The following AGPAT5 variants were observed in gnomAD, a reference collection of about 807,000 sequenced individuals.
The protein encoded by AGPAT5 is 1-acylglycerol-3-phosphate O-acyltransferase 5.
AGPAT5 carries 46 observed loss-of-function variants against 45.6 expected under a neutral mutation model. That is an observed-to-expected ratio of 1.01 (90% CI 0.80 to 1.29). The LOEUF (loss-of-function observed/expected upper bound fraction) is 1.29, where lower values mean the gene tolerates loss of function less well. AGPAT5 is among the 50% of genes most tolerant of loss of function. The probability of loss-of-function intolerance (pLI) is 0.00; values close to 1 mark genes in which losing one functional copy is unlikely to be tolerated. For missense variants in AGPAT5, 673 were observed against 450.7 expected, an observed-to-expected ratio of 1.49 and a Z score of -4.47; for synonymous variants, 272 against 167.0, an observed-to-expected ratio of 1.63 and a Z score of -4.85.
chr8:6,715,537 C>T (rs1462876211), intron 1 of AGPAT5, among the ~76,000 whole-genome samples: 1 of 152,112 alleles, frequency 6.6e-6, no homozygotes, highest in Non-Finnish European at 1.5e-5. Context: ...ACAAAGTAGG[C>T]ACCATTCTTC....
At chr8:6,732,682 C>G in intron 4 of AGPAT5, 32 bp downstream of exon 4, 1 of 1,496,320 alleles carries the variant, frequency 6.7e-7, no homozygotes, top group Non-Finnish European at 9.1e-7. Flanking sequence ...TTTTTCTTAC[C>G]AGCTCTCAGT....
intron 3 of AGPAT5, 92 bp from the exon 4 acceptor site, chr8:6,732,469 G>C: frequency 1.2e-6 from 1 of 849,076 alleles, no homozygotes; most frequent in Non-Finnish European, 1.8e-6. Flanking sequence ...TTTTCATTCT[G>C]TACTTTTTGC....
At chr8:6,735,796 A>G (rs1801030416) in intron 4 of AGPAT5, among the ~76,000 whole-genome samples, 1 of 147,484 alleles carries the variant, frequency 6.8e-6, no homozygotes, top group African/African-American at 2.5e-5. Flanking sequence ...ACAATGTTAG[A>G]TTTACAAAAA....
rs1801954351 is a variant in AGPAT5, at chr8:6,759,330, T to A, written c.*1942T>A. ...GACCTGCATAAGATCACTTGAATGT[T>A]AGGTTTCATAGAACTATACTAATCT... On this transcript the variant is annotated 3_prime_UTR_variant, in exon 8 of 8. Coordinates refer to ENST00000285518, the MANE Select transcript of AGPAT5 (RefSeq NM_018361.5). 1 of 152,230 alleles carries A rather than the reference T, an allele frequency of 6.6e-6. No individual in the cohort carries two copies. The highest frequency in any genetic ancestry group is 2.4e-5 in the African/African-American group (1 of 41,464). 9.4% of individuals were successfully genotyped at this position (152,230 alleles called of 1,614,324 possible). A position where few individuals can be genotyped will look rare whatever the true frequency, so the allele number is the denominator to read the frequency against.
chr8:6,735,999 G>T (rs556222564), intron 4 of AGPAT5, among the ~76,000 whole-genome samples: 1 of 151,818 alleles, frequency 6.6e-6, no homozygotes, highest in African/African-American at 2.4e-5. Flanking sequence ...GATTACAGGC[G>T]TGCACCGCCA....
intron 1 of AGPAT5, among the ~76,000 whole-genome samples, chr8:6,713,574 G>C (rs1800224876): frequency 6.6e-6 from 1 of 152,060 alleles, no homozygotes; most frequent in Admixed American, 6.5e-5. Context: ...TTTTTTGTAA[G>C]ACAGAATCTC....
chr8:6,743,724 T>C (rs1328129445), intron 5 of AGPAT5, among the ~76,000 whole-genome samples: 2 of 152,132 alleles, frequency 1.3e-5, no homozygotes, highest in Admixed American at 1.3e-4. Flanking sequence ...TGGAATTAAA[T>C]GTATCTTAAT....
intron 5 of AGPAT5, among the ~76,000 whole-genome samples, chr8:6,743,697 A>G (rs1024814099): frequency 1.5e-4 from 22 of 151,714 alleles, no homozygotes; most frequent in Admixed American, 8.5e-4. Flanking sequence ...TTGGCTTTCT[A>G]ATGGTTATAA....
At chr8:6,714,415 A>C (rs1443144901) in intron 1 of AGPAT5, among the ~76,000 whole-genome samples, 1 of 152,238 alleles carries the variant, frequency 6.6e-6, no homozygotes, top group Admixed American at 6.5e-5. Context: ...TGCTTAACTT[A>C]CTAGACTTAT....
rs183487875 is a variant in AGPAT5 at position 6,752,145 on chromosome 8, C to G, written c.746-2906C>G. 1.1e-4 allele frequency among the ~76,000 whole-genome samples: 17 copies of G among 152,188 alleles called. 1 individual carries two copies. In the East Asian group the frequency reaches 3.3e-3, roughly 29 times the overall value. On this transcript the variant is annotated intron_variant, in intron 6 of 7. Transcript: ENST00000285518. ...TGAGCTAAGATCGTGCCACTGGACT[C>G]TAGCCTGGCTGACAGAGCAAGAATC...
intron 6 of AGPAT5, among the ~76,000 whole-genome samples, chr8:6,754,418 G>T (rs894396581): frequency 7.2e-5 from 11 of 152,170 alleles, no homozygotes; most frequent in African/African-American, 2.4e-5. Context: ...GAAACCAATG[G>T]CCAAGTTAGA....
In AGPAT5 at chr8:6,757,547, T is replaced by C. The variant is rs753918900; in HGVS notation, c.*159T>C. The C allele has an allele frequency of 3.2e-6, 2 of 634,484 alleles. No homozygotes were observed. The highest frequency in any genetic ancestry group is 5.4e-6 in the Non-Finnish European group (2 of 369,342). The allele number at this position is 634,484 out of a possible 1,614,324, so 39.3% of individuals were successfully genotyped here. A position where few individuals can be genotyped will look rare whatever the true frequency, so the allele number is the denominator to read the frequency against. ...ATTTGTGACGAAAGCTGATATGCAA[T>C]GGTCTTGGGCAAACATACCTGGTTG... On this transcript the variant is annotated 3_prime_UTR_variant, in exon 8 of 8. Coordinates refer to ENST00000285518, the MANE Select transcript of AGPAT5 (RefSeq NM_018361.5).
intron 5 of AGPAT5, among the ~76,000 whole-genome samples, chr8:6,746,963 C>A (rs1369583023): frequency 2.6e-5 from 4 of 152,110 alleles, no homozygotes; most frequent in African/African-American, 9.7e-5. Flanking sequence ...TTGCAGTAGT[C>A]CCCCAGCTAA....
chr8:6,726,423 G>A (rs541698850), intron 2 of AGPAT5, among the ~76,000 whole-genome samples: 1 of 152,248 alleles, frequency 6.6e-6, no homozygotes, highest in African/African-American at 2.4e-5. Context: ...TTACCTGCCA[G>A]CTTTTCTTTG....
chr8:6,714,664 G>A (rs1800262116), intron 1 of AGPAT5, among the ~76,000 whole-genome samples: 1 of 152,106 alleles, frequency 6.6e-6, no homozygotes, highest in African/African-American at 2.4e-5. Context: ...TCCCAGTTTG[G>A]TGTGTAACTT....
intron 4 of AGPAT5, among the ~76,000 whole-genome samples, chr8:6,738,773 GT>G (rs1183515405): frequency 6.6e-6 from 1 of 151,852 alleles, no homozygotes; most frequent in African/African-American, 2.4e-5. Context: ...GAGTACGTGT[GT>G]TTTTTTATTT....
chr8:6,760,500 G>A lies in AGPAT5; in HGVS notation c.*3112G>A, dbSNP rs1370802249. ...AAAAAATGTGAAAAGAGAGAGAAAT[G>A]TCTACCAAAGCAGTATTTTGTGTGT... On this transcript the variant is annotated 3_prime_UTR_variant, in exon 8 of 8. Coordinates refer to ENST00000285518, the MANE Select transcript of AGPAT5 (RefSeq NM_018361.5). Among the ~76,000 whole-genome samples, 2 of 152,168 alleles carry A rather than the reference G, an allele frequency of 1.3e-5. No homozygotes were observed. Among genetic ancestry groups the A allele is most frequent in the South Asian group, 2.1e-4 (1 of 4,826 alleles).
intron 7 of AGPAT5, 117 bp from the exon 8 acceptor site, chr8:6,757,046 C>T (rs544714135): frequency 1.4e-6 from 1 of 709,828 alleles, no homozygotes; most frequent in South Asian, 2.0e-5. Flanking sequence ...CCGTATTCAT[C>T]CTTATTTTCC....
At chr8:6,731,115 G>C (rs1800847346) in intron 3 of AGPAT5, among the ~76,000 whole-genome samples, 1 of 152,034 alleles carries the variant, frequency 6.6e-6, no homozygotes, top group Non-Finnish European at 1.5e-5. Context: ...GCCTGTCTCA[G>C]CCTACCAAAA....
Sources: gnomAD v4.1 joint callset for allele counts (sites outside exome capture counted in the v4.1 genomes callset) on GRCh38, gnomAD v4.1.1 for gene constraint, MANE v1.5 for transcripts, NCBI Gene and HGNC (gene_info 2026-07-23, HGNC 2026-07-21) for gene names.